Variants in SMAD2 observed in about 807,000 individuals in gnomAD.
The protein encoded by SMAD2 is MAD homolog 2.
SMAD2 carries 8 observed loss-of-function variants against 64.4 expected under a neutral mutation model. The ratio of observed to expected loss-of-function variants is 0.12; its 90% CI spans 0.07 to 0.22. SMAD2 has a LOEUF of 0.22. Ranked by LOEUF, SMAD2 falls within the 10% of genes least tolerant of loss-of-function variation. SMAD2 has a pLI of 1.00. For missense variants in SMAD2, 289 were observed against 561.2 expected, an observed-to-expected ratio of 0.51 and a Z score of 4.90; for synonymous variants, 203 against 195.8, an observed-to-expected ratio of 1.04 and a Z score of -0.31.
chr18:47,870,595 T>C (rs557565548), intron 2 of SMAD2, 31 bp from the exon 3 acceptor site: 2 of 1,360,166 alleles, frequency 1.5e-6, no homozygotes, highest in African/African-American at 1.4e-5. Context: ...AAAAAATTGA[T>C]GTGAACATGG....
chr18:47,824,343 C>T lies in SMAD2; in HGVS notation c.*17484G>A, dbSNP rs369336561. 4.6e-5 allele frequency: 7 copies of T among 152,330 alleles called. No individual in the cohort carries two copies. The highest frequency in any genetic ancestry group is 3.4e-3 in the Middle Eastern group (1 of 294). 9.4% of individuals were successfully genotyped at this position (152,330 alleles called of 1,614,324 possible). A position where few individuals can be genotyped will look rare whatever the true frequency, so the allele number is the denominator to read the frequency against. ...CACAAACACTATTCGCAACCTTACA[C>T]AGAAAATACTTTTGGGACATCTGCC... On this transcript the variant is annotated 3_prime_UTR_variant, in exon 11 of 11. Transcript: ENST00000262160.
rs1912770531 is a variant in SMAD2, at chr18:47,826,776, A to G, written c.*15051T>C. 1 of 152,232 alleles carries G rather than the reference A, an allele frequency of 6.6e-6. No homozygotes were observed. The allele number at this position is 152,232 out of a possible 1,614,324, so 9.4% of individuals were successfully genotyped here. A position where few individuals can be genotyped will look rare whatever the true frequency, so the allele number is the denominator to read the frequency against. On this transcript the variant is annotated 3_prime_UTR_variant, in exon 11 of 11. Coordinates refer to ENST00000262160, the MANE Select transcript of SMAD2 (RefSeq NM_005901.6). Reference sequence around the variant, plus strand: ...TAACATCACATTTACAAACTTTCTTAGAGAAAGATTTGTTATTAGCAAAGA... The same window carrying G: ...TAACATCACATTTACAAACTTTCTTGGAGAAAGATTTGTTATTAGCAAAGA...
chr18:47,922,749 G>T (rs965825664), intron 1 of SMAD2: 1 of 152,092 alleles, frequency 6.6e-6, no homozygotes, highest in African/African-American at 2.4e-5. Flanking sequence ...CAGGATAATA[G>T]AAAACCTCAA....
At chr18:47,851,840 T>C (rs2030124425) in intron 6 of SMAD2, among the ~76,000 whole-genome samples, 1 of 152,162 alleles carries the variant, frequency 6.6e-6, no homozygotes, top group African/African-American at 2.4e-5. Context: ...TGCTTTGAGA[T>C]TGCAATAACT....
At chr18:47,924,952 AAG>A (rs2034706186) in intron 1 of SMAD2, among the ~76,000 whole-genome samples, 1 of 152,250 alleles carries the variant, frequency 6.6e-6, no homozygotes, top group African/African-American at 2.4e-5. Flanking sequence ...TCCTCAGATC[AAG>A]AGTCTTTTTT....
At chr18:47,901,162 A>G (rs528718126) in intron 1 of SMAD2, among the ~76,000 whole-genome samples, 63 of 152,290 alleles carry the variant, frequency 4.1e-4, no homozygotes, top group African/African-American at 1.5e-3. Flanking sequence ...AGTTCAAAAT[A>G]AAATTTTTGG....
Position 47,829,708 on chromosome 18 carries a change from G to T in SMAD2, c.*12119C>A, listed in dbSNP as rs763862923. ...CACTTTGGCAAATAAAAACTGCACC[G>T]TATGACATGTCACATAGAAATTGTT... On this transcript the variant is annotated 3_prime_UTR_variant, in exon 11 of 11. Coordinates refer to ENST00000262160, the MANE Select transcript of SMAD2 (RefSeq NM_005901.6). The T allele has an allele frequency of 3.9e-5, 6 of 152,180 alleles. No homozygotes were observed. The highest frequency in any genetic ancestry group is 9.6e-5 in the African/African-American group (4 of 41,456). The allele number at this position is 152,180 out of a possible 1,614,324, so 9.4% of individuals were successfully genotyped here.
chr18:47,884,305 C>A (rs2032769519), intron 2 of SMAD2, among the ~76,000 whole-genome samples: 1 of 152,164 alleles, frequency 6.6e-6, no homozygotes, highest in South Asian at 2.1e-4. Context: ...ACATATTAAA[C>A]CGCTTAATCC....
Position 47,837,311 on chromosome 18 carries a change from C to T in SMAD2, c.*4516G>A, listed in dbSNP as rs544279466. On this transcript the variant is annotated 3_prime_UTR_variant, in exon 11 of 11. Transcript: ENST00000262160. Reference sequence around the variant, plus strand: ...GGCGCGGTGGCTCATGCCTGTAATCCCAGCACTTTGGGAAGCCGAGGTGGA... The same window carrying T: ...GGCGCGGTGGCTCATGCCTGTAATCTCAGCACTTTGGGAAGCCGAGGTGGA... The T allele has an allele frequency of 2.2e-4, 43 of 191,390 alleles. No homozygotes were observed. The highest frequency in any genetic ancestry group is 4.1e-4 in the Non-Finnish European group (38 of 91,670). The allele number at this position is 191,390 out of a possible 1,614,324, so 11.9% of individuals were successfully genotyped here. A position where few individuals can be genotyped will look rare whatever the true frequency, so the allele number is the denominator to read the frequency against.
At chr18:47,903,958 G>A (rs1196359791) in intron 1 of SMAD2, among the ~76,000 whole-genome samples, 1 of 149,948 alleles carries the variant, frequency 6.7e-6, no homozygotes, top group East Asian at 2.0e-4. Flanking sequence ...GAAAGACAAT[G>A]GGGAACAAAA....
In SMAD2 at chr18:47,833,041, T is replaced by TA. The variant is rs1449550780; in HGVS notation, c.*8785dup. ...GTGAACACCAAAATGTAATCCCATA[T>TA]AAAAAAAGATCAGTTTAAATAAAAA... On this transcript the variant is annotated 3_prime_UTR_variant, in exon 11 of 11. Transcript: ENST00000262160. 5 of 178,712 alleles carry TA rather than the reference T, an allele frequency of 2.8e-5. No individual in the cohort carries two copies. In the East Asian group the frequency reaches 4.7e-4, roughly 17 times the overall value. 11.1% of individuals were successfully genotyped at this position (178,712 alleles called of 1,614,324 possible).
At chr18:47,889,497 C>T (rs969429131) in intron 2 of SMAD2, among the ~76,000 whole-genome samples, 2 of 151,918 alleles carry the variant, frequency 1.3e-5, no homozygotes, top group African/African-American at 2.4e-5. Flanking sequence ...AACAGTCGGG[C>T]GCGGTGGCTC....
intron 2 of SMAD2, among the ~76,000 whole-genome samples, chr18:47,871,965 C>G (rs998267742): frequency 6.6e-6 from 1 of 152,176 alleles, no homozygotes; most frequent in Non-Finnish European, 1.5e-5. Flanking sequence ...CTATTCTGCT[C>G]TGTATCAGAA....
At chr18:47,847,452 T>C (rs1007055294) in intron 8 of SMAD2, among the ~76,000 whole-genome samples, 3 of 152,084 alleles carry the variant, frequency 2.0e-5, no homozygotes, top group Admixed American at 1.3e-4. Flanking sequence ...TGAATGGTTC[T>C]CACACTTTTT....
At chr18:47,915,998 T>C (rs191959552) in intron 1 of SMAD2, among the ~76,000 whole-genome samples, 3 of 152,366 alleles carry the variant, frequency 2.0e-5, no homozygotes, top group Non-Finnish European at 4.4e-5. Context: ...TGTTATCATA[T>C]GCTTTCCCGT....
At chr18:47,877,963 G>A (rs1205758008) in intron 2 of SMAD2, among the ~76,000 whole-genome samples, 1 of 152,188 alleles carries the variant, frequency 6.6e-6, no homozygotes, top group African/African-American at 2.4e-5. Flanking sequence ...CAGTTTAACA[G>A]GGTCCTTAAC....
intron 2 of SMAD2, among the ~76,000 whole-genome samples, chr18:47,892,642 A>G (rs1245129069): frequency 2.5e-5 from 3 of 118,746 alleles, no homozygotes; most frequent in African/African-American, 8.0e-5. Flanking sequence ...AAATAAGCTT[A>G]AGTGTTCTTT....
intron 1 of SMAD2, among the ~76,000 whole-genome samples, chr18:47,911,087 C>G (rs1262518801): frequency 1.3e-5 from 2 of 151,848 alleles, no homozygotes; most frequent in African/African-American, 4.9e-5. Flanking sequence ...CGTGGTGGCT[C>G]ACGCCTGTAA....
intron 1 of SMAD2, among the ~76,000 whole-genome samples, chr18:47,919,608 C>T (rs958652215): frequency 1.3e-5 from 2 of 151,928 alleles, no homozygotes; most frequent in African/African-American, 4.8e-5. Context: ...CTGCGGCGTA[C>T]TAGGTGTAGA....
Sources: allele counts gnomAD v4.1 joint callset (sites outside exome capture counted in the v4.1 genomes callset), GRCh38; gene constraint gnomAD v4.1.1; transcripts MANE v1.5; gene names NCBI Gene and HGNC (gene_info 2026-07-23, HGNC 2026-07-21).